The following CLASP1 variants were observed in gnomAD, a reference collection of about 807,000 sequenced individuals.
CLASP1 encodes cytoplasmic linker associated protein 1, also known as CLIP-associating protein 1.
CLASP1 carries 38 observed loss-of-function variants against 192.3 expected under a neutral mutation model. The observed-to-expected ratio is 0.20, with a 90% CI of 0.15 to 0.26. CLASP1 has a LOEUF of 0.26. CLASP1 is among the 10% of genes least tolerant of loss of function. CLASP1 has a pLI of 1.00. For synonymous variants in CLASP1, 691 were observed against 712.8 expected, an observed-to-expected ratio of 0.97 and a Z score of 0.49; for missense variants, 1,433 against 1,932.5, an observed-to-expected ratio of 0.74 and a Z score of 4.85.
chr2:121,619,462 G>A (rs1447046298), intron 1 of CLASP1, among the ~76,000 whole-genome samples: 1 of 152,130 alleles, frequency 6.6e-6, no homozygotes, highest in Non-Finnish European at 1.5e-5. Flanking sequence ...AGAAAATGCA[G>A]CTGGCAGATC....
At chr2:121,589,169 G>A (rs1382167157) in intron 2 of CLASP1, among the ~76,000 whole-genome samples, 2 of 152,180 alleles carry the variant, frequency 1.3e-5, no homozygotes, top group Non-Finnish European at 2.9e-5. Context: ...CCACCACGCT[G>A]GCCAGTGACG....
intron 6 of CLASP1, among the ~76,000 whole-genome samples, chr2:121,518,985 T>C (rs1379132588): frequency 6.6e-6 from 1 of 152,252 alleles, no homozygotes; most frequent in Non-Finnish European, 1.5e-5. Flanking sequence ...AGGGATAACA[T>C]CTGCTCAGAG....
intron 23 of CLASP1, among the ~76,000 whole-genome samples, chr2:121,412,156 A>T (rs950349991): frequency 2.0e-5 from 3 of 152,224 alleles, no homozygotes; most frequent in Non-Finnish European, 4.4e-5. Context: ...TAGCTTTTTA[A>T]AAATGTCAAT....
At chr2:121,582,375 CAG>C (rs749039645) in intron 2 of CLASP1, among the ~76,000 whole-genome samples, 4 of 121,774 alleles carry the variant, frequency 3.3e-5, no homozygotes, top group Non-Finnish European at 6.8e-5. Context: ...AAGACAAAGA[CAG>C]AAAGATGGAT....
intron 2 of CLASP1, among the ~76,000 whole-genome samples, chr2:121,580,211 C>G (rs1032150100): frequency 4.6e-5 from 7 of 152,170 alleles, no homozygotes; most frequent in Non-Finnish European, 7.4e-5. Context: ...GTGATCTTCC[C>G]TAATTTCAGA....
chr2:121,539,756 A>G (rs1575805207), intron 2 of CLASP1, among the ~76,000 whole-genome samples: 1 of 152,238 alleles, frequency 6.6e-6, no homozygotes, highest in East Asian at 1.9e-4. Context: ...AGAATATATA[A>G]AGGTGCTCTA....
rs147606387 is a variant in CLASP1, at chr2:121,576,499, C to G, written c.195+29202G>C. On this transcript the variant is annotated intron_variant, in intron 2 of 39. Transcript: ENST00000263710. ...GCCTGACAAGATGTTCTAGGCTTAT[C>G]TATCTCAGACACTTCCTGCTTAGAT... Among the ~76,000 whole-genome samples the G allele has an allele frequency of 6.5e-3, 989 of 152,258 alleles. 15 individuals carry two copies. Among genetic ancestry groups the G allele is most frequent in the African/African-American group, 0.023 (945 of 41,532 alleles).
intron 8 of CLASP1, among the ~76,000 whole-genome samples, chr2:121,472,448 C>T (rs1195967929): frequency 2.0e-5 from 3 of 152,170 alleles, no homozygotes; most frequent in Admixed American, 2.0e-4. Flanking sequence ...TTGTTTCTCC[C>T]TGCAAGAAAA....
chr2:121,630,025 A>G (rs1459892404), intron 1 of CLASP1, among the ~76,000 whole-genome samples: 1 of 151,762 alleles, frequency 6.6e-6, no homozygotes, highest in Non-Finnish European at 1.5e-5. Context: ...GGTTCAAGCT[A>G]TTCTCCTGCC....
chr2:121,478,848 C>A (rs1419575967), intron 8 of CLASP1, among the ~76,000 whole-genome samples: 6 of 26,384 alleles, frequency 2.3e-4, no homozygotes, highest in Admixed American at 4.3e-4. Flanking sequence ...CACACACACA[C>A]CACACACCAC....
chr2:121,367,742 C>T (rs1438354067), exon 35 of CLASP1: 1 of 1,613,836 alleles, frequency 6.2e-7, no homozygotes, highest in Non-Finnish European at 8.5e-7. Flanking sequence ...GTAGTGAGGT[C>T]TTGTTATCCA....
chr2:121,569,716 C>T (rs906678352), intron 2 of CLASP1, among the ~76,000 whole-genome samples: 4 of 152,128 alleles, frequency 2.6e-5, no homozygotes, highest in Admixed American at 2.0e-4. Context: ...TGGTGCGTGC[C>T]TGTAGTCCCA....
chr2:121,632,946 C>T (rs575172715), intron 1 of CLASP1, among the ~76,000 whole-genome samples: 1 of 147,464 alleles, frequency 6.8e-6, no homozygotes, highest in Non-Finnish European at 1.5e-5. Context: ...CAGCCACGAA[C>T]TGTACAAAAA....
chr2:121,405,212 G>C (rs758026442), intron 25 of CLASP1, among the ~76,000 whole-genome samples: 24 of 152,178 alleles, frequency 1.6e-4, no homozygotes, highest in Non-Finnish European at 2.8e-4. Flanking sequence ...AGGAGGCTGA[G>C]GCAGGAGAAT....
intron 2 of CLASP1, among the ~76,000 whole-genome samples, chr2:121,574,532 G>A (rs2060294973): frequency 6.6e-6 from 1 of 151,134 alleles, no homozygotes; most frequent in African/African-American, 2.4e-5. Flanking sequence ...CTACTTGGGA[G>A]GCTGAGGCAG....
At position 121,398,348 on chromosome 2, in the gene CLASP1, CCA is replaced by C; in HGVS notation, c.2951_2952del (p.Val984GlyfsTer19). 1 of 1,599,502 alleles carries C rather than the reference CCA, an allele frequency of 6.3e-7. No homozygotes were observed. The highest frequency in any genetic ancestry group is 1.1e-5 in the South Asian group (1 of 88,142). The stretch of plus-strand genomic sequence containing the variant: ...TTGAGGTTTGGAGTTTGAGTTTGAT[CCA>C]CAATAAATCTCATCAAAATGTTAAA... On this transcript the variant is annotated frameshift_variant, in exon 29 of 40. Transcript: ENST00000263710. LOFTEE classifies it high-confidence loss of function.
chr2:121,414,086 G>T (rs1361208808), intron 23 of CLASP1, among the ~76,000 whole-genome samples, 55 bp downstream of exon 24: 3 of 152,158 alleles, frequency 2.0e-5, no homozygotes, highest in Non-Finnish European at 4.4e-5. Context: ...TGTTGACATG[G>T]GTGTGAAACT....
intron 1 of CLASP1, among the ~76,000 whole-genome samples, chr2:121,627,452 A>G (rs1225856801): frequency 6.6e-6 from 1 of 152,184 alleles, no homozygotes; most frequent in Non-Finnish European, 1.5e-5. Flanking sequence ...CAAGTAAATA[A>G]TCTATTCCAC....
chr2:121,531,593 C>CAAAA (rs35331131), intron 2 of CLASP1, among the ~76,000 whole-genome samples: 5 of 104,000 alleles, frequency 4.8e-5, no homozygotes, highest in East Asian at 2.8e-4. Flanking sequence ...GACTCCATCT[C>CAAAA]AAAAAAAAAA....
Sources: gnomAD v4.1 joint callset for allele counts (sites outside exome capture counted in the v4.1 genomes callset) on GRCh38, gnomAD v4.1.1 for gene constraint, MANE v1.5 for transcripts, NCBI Gene and HGNC (gene_info 2026-07-23, HGNC 2026-07-21) for gene names.